The following FOXP1 variants were observed in gnomAD, a reference collection of about 807,000 sequenced individuals.
FOXP1 encodes forkhead box P1, also known as forkhead box protein P1.
Under a neutral mutation model 98.2 loss-of-function variants are expected in FOXP1, and 15 were observed. That is an observed-to-expected ratio of 0.15 (90% CI 0.10 to 0.24). The LOEUF (loss-of-function observed/expected upper bound fraction) is 0.24, where lower values mean the gene tolerates loss of function less well. Among genes scored for constraint, FOXP1 ranks in the 10% least tolerant of loss-of-function variants. The pLI, the probability that FOXP1 is intolerant of heterozygous loss-of-function variation, is 1.00. For synonymous variants in FOXP1, 371 were observed against 314.5 expected, an observed-to-expected ratio of 1.18 and a Z score of -1.90; for missense variants, 633 against 848.5, an observed-to-expected ratio of 0.75 and a Z score of 3.15.
rs72961284 is a variant in FOXP1 at position 71,548,331 on chromosome 3, A to G, written c.-298+33218T>C. Among the ~76,000 whole-genome samples the G allele has an allele frequency of 5.3e-3, 805 of 152,278 alleles. 6 individuals carry two copies. Among genetic ancestry groups the G allele is most frequent in the African/African-American group, 0.019 (775 of 41,566 alleles). ...AATAGCGTAAGTTTATATGTTGGTT[A>G]TTTTTCTCCCAAACAGCCTCATAAC... On this transcript the variant is annotated intron_variant, in intron 2 of 20. Coordinates refer to ENST00000649528, the MANE Select transcript of FOXP1 (RefSeq NM_001349338.3).
chr3:71,326,837 AG>A lies in FOXP1; in HGVS notation c.-72-26958del, dbSNP rs199776455. On this transcript the variant is annotated intron_variant, in intron 4 of 20. Transcript: ENST00000649528. ...CAGACTTTATGGTACAGAAAGGTCA[AG>A]ATGAACTCCGGATGAACTGGTTTAC... 7.4e-3 allele frequency among the ~76,000 whole-genome samples: 1,120 copies of A among 152,346 alleles called. 30 individuals carry two copies. Among genetic ancestry groups the A allele is most frequent in the Non-Finnish European group, 4.7e-3 (318 of 68,024 alleles).
chr3:71,110,558 C>T (rs1315489547), intron 7 of FOXP1, among the ~76,000 whole-genome samples: 1 of 152,182 alleles, frequency 6.6e-6, no homozygotes, highest in East Asian at 1.9e-4. Context: ...GGCTAGCTCC[C>T]TGTATACATT....
intron 6 of FOXP1, among the ~76,000 whole-genome samples, chr3:71,113,788 T>G: frequency 8.9e-6 from 1 of 112,078 alleles, no homozygotes; most frequent in East Asian, 3.7e-4. Context: ...AAAAAAACAA[T>G]GTCATCAATA....
rs149672951 is a variant in FOXP1 at position 71,574,625 on chromosome 3, C to T, written c.-298+6924G>A. On this transcript the variant is annotated intron_variant, in intron 2 of 20. Coordinates refer to ENST00000649528, the MANE Select transcript of FOXP1 (RefSeq NM_001349338.3). ...CTTGGGAAAATCAAAATACTTCTGC[C>T]AGCAGGGTTAATCCAAAGAGCAAAC... Among the ~76,000 whole-genome samples, 263 of 152,096 alleles carry T rather than the reference C, an allele frequency of 1.7e-3. 2 individuals carry two copies. The highest frequency in any genetic ancestry group is 2.4e-3 in the Non-Finnish European group (160 of 68,000).
At chr3:71,335,949 G>A (rs932480054) in intron 4 of FOXP1, among the ~76,000 whole-genome samples, 1 of 141,542 alleles carries the variant, frequency 7.1e-6, no homozygotes, top group East Asian at 2.1e-4. Context: ...GGCGGAGGTT[G>A]CAGTGGACCA....
intron 3 of FOXP1, among the ~76,000 whole-genome samples, chr3:71,449,141 G>T (rs1372134684): frequency 6.6e-6 from 1 of 152,112 alleles, no homozygotes; most frequent in African/African-American, 2.4e-5. Context: ...TAAAAACAGG[G>T]TAGAAATATA....
In FOXP1 at chr3:70,972,661, T is replaced by G; in HGVS notation, c.1546A>C (p.Asn516His). The G allele has an allele frequency of 6.2e-7, 1 of 1,614,140 alleles. No individual in the cohort carries two copies. The highest frequency in any genetic ancestry group is 8.5e-7 in the Non-Finnish European group (1 of 1,179,964). ...ACAAAACACTTGTGAAGACTAAGAT[T>G]ATGACGCACTGCATTCTGCAGCAAG... ...AATWKNAVRHNLSLHKCFVRV... is the reference protein window; with the variant it reads ...AATWKNAVRHHLSLHKCFVRV... The change falls in exon 18 of 21, where the codon AAT (asparagine) becomes CAT (histidine). Residue 516 changes from asparagine (N) to histidine (H), a missense_variant. This residue lies in a region of FOXP1 where 141 missense variants were observed against 199.5 expected (regional missense o/e 0.71). Coordinates refer to ENST00000649528, the MANE Select transcript of FOXP1 (RefSeq NM_001349338.3).
chr3:71,375,439 C>T (rs139734554), intron 3 of FOXP1, among the ~76,000 whole-genome samples: 3,716 of 152,304 alleles, frequency 0.024, 104 homozygotes, highest in Non-Finnish European at 0.036. Context: ...GATGTATATA[C>T]ACGTTTTGTT....
chr3:71,282,425 A>G (rs2071670326), intron 5 of FOXP1, among the ~76,000 whole-genome samples: 1 of 152,056 alleles, frequency 6.6e-6, no homozygotes, highest in Admixed American at 6.6e-5. Flanking sequence ...AAGATTATTA[A>G]CCTCCTTGAG....
At chr3:71,501,844 C>G (rs1458187223) in intron 2 of FOXP1, among the ~76,000 whole-genome samples, 1 of 152,126 alleles carries the variant, frequency 6.6e-6, no homozygotes, top group Non-Finnish European at 1.5e-5. Flanking sequence ...TACCCAGTGC[C>G]CTGAAAACCC....
intron 2 of FOXP1, among the ~76,000 whole-genome samples, chr3:71,513,352 T>A (rs563143287): frequency 1.3e-5 from 2 of 152,266 alleles, no homozygotes; most frequent in South Asian, 4.1e-4. Flanking sequence ...GACTCGTGTC[T>A]TTCTCTTAAA....
chr3:71,475,834 T>C (rs1291208163), intron 3 of FOXP1, among the ~76,000 whole-genome samples: 1 of 148,060 alleles, frequency 6.8e-6, no homozygotes, highest in Non-Finnish European at 1.5e-5. Flanking sequence ...AGAACAAGAC[T>C]CCACCTCAAA....
chr3:71,105,218 T>C (rs1463834350), intron 7 of FOXP1, among the ~76,000 whole-genome samples: 3 of 152,066 alleles, frequency 2.0e-5, no homozygotes, highest in East Asian at 1.9e-4. Context: ...TCTTTTTTTT[T>C]CCCCCTCTTT....
At chr3:71,005,529 A>G (rs2042703463) in intron 12 of FOXP1, among the ~76,000 whole-genome samples, 1 of 152,022 alleles carries the variant, frequency 6.6e-6, no homozygotes, top group African/African-American at 2.4e-5. Context: ...GTATATCACC[A>G]TAAAAACGAG....
chr3:71,303,050 T>C (rs1175709441), intron 4 of FOXP1, among the ~76,000 whole-genome samples: 1 of 152,220 alleles, frequency 6.6e-6, no homozygotes. Context: ...ATGTCCTACT[T>C]GGAACTGAGT....
intron 5 of FOXP1, among the ~76,000 whole-genome samples, chr3:71,214,258 C>T (rs2064743690): frequency 6.6e-6 from 1 of 152,182 alleles, no homozygotes; most frequent in Non-Finnish European, 1.5e-5. Flanking sequence ...AGTGCTGAGC[C>T]TGGGAGGAGA....
chr3:71,490,167 G>A (rs967464701), intron 3 of FOXP1, among the ~76,000 whole-genome samples: 13 of 152,168 alleles, frequency 8.5e-5, no homozygotes, highest in African/African-American at 2.7e-4. Context: ...GAGGAAGAGA[G>A]TGAGTCCTTT....
At chr3:71,519,221 G>C (rs1173806206) in intron 2 of FOXP1, among the ~76,000 whole-genome samples, 2 of 152,226 alleles carry the variant, frequency 1.3e-5, no homozygotes, top group Non-Finnish European at 1.5e-5. Context: ...ACTCCAGCCT[G>C]GGTGGTAGAG....
rs2064901358 is a variant in FOXP1, at chr3:71,216,189, C to G, written c.-11-17797G>C. On this transcript the variant is annotated intron_variant, in intron 5 of 20. Coordinates refer to ENST00000649528, the MANE Select transcript of FOXP1 (RefSeq NM_001349338.3). ...TCCATCACACTGAATGAGAAGCTTG[C>G]ACAGCACTGCACCTGGGTGTGTTCA... 2.0e-5 allele frequency among the ~76,000 whole-genome samples: 3 copies of G among 152,218 alleles called. No homozygotes were observed. In the South Asian group the frequency reaches 6.2e-4, roughly 31 times the overall value.
Sources: allele counts gnomAD v4.1 joint callset (sites outside exome capture counted in the v4.1 genomes callset), GRCh38; gene constraint gnomAD v4.1.1; regional missense constraint gnomAD v4.1.1; transcripts MANE v1.5; gene names NCBI Gene and HGNC (gene_info 2026-07-23, HGNC 2026-07-21).